Variants in TDRD10 observed in about 807,000 individuals in gnomAD.
TDRD10 encodes the protein tudor domain containing 10, also known as tudor domain-containing protein 10.
In TDRD10, 40 loss-of-function variants were observed where a neutral mutation model predicts 48.0. That is an observed-to-expected ratio of 0.83 (90% CI 0.65 to 1.09). The LOEUF (loss-of-function observed/expected upper bound fraction) is 1.09, where lower values mean the gene tolerates loss of function less well. Among genes scored for constraint, TDRD10 ranks in the 50% least tolerant of loss-of-function variants. The probability of loss-of-function intolerance (pLI) is 0.00; values close to 1 mark genes in which losing one functional copy is unlikely to be tolerated. For synonymous variants in TDRD10, 162 were observed against 170.4 expected, an observed-to-expected ratio of 0.95 and a Z score of 0.38; for missense variants, 378 against 434.7, an observed-to-expected ratio of 0.87 and a Z score of 1.16.
At chr1:154,507,508 G>A (rs921886333) in intron 3 of TDRD10, among the ~76,000 whole-genome samples, 188 bp downstream of exon 3, 3 of 150,596 alleles carry the variant, frequency 2.0e-5, no homozygotes, top group Non-Finnish European at 4.5e-5. Context: ...CCACTGCTGC[G>A]ATGCAGACCC....
At position 154,544,355 on chromosome 1, in the gene TDRD10, C is replaced by T. The variant is rs756742141; in HGVS notation, c.652-17C>T. On this transcript the variant is annotated splice_polypyrimidine_tract_variant and intron_variant, in intron 9 of 12. Transcript: ENST00000368482. Reference sequence around the variant, plus strand: ...TGCAGTGCAGGCAGTGGGGCCGTTGCGTTTTGCACCCCACAGGCTCTGCAC... The same window carrying T: ...TGCAGTGCAGGCAGTGGGGCCGTTGTGTTTTGCACCCCACAGGCTCTGCAC... The T allele has an allele frequency of 2.2e-5, 34 of 1,570,188 alleles. No individual in the cohort carries two copies. The highest frequency in any genetic ancestry group is 2.5e-5 in the Non-Finnish European group (29 of 1,157,202).
chr1:154,504,667 T>C (rs531042485), intron 1 of TDRD10, among the ~76,000 whole-genome samples: 12 of 152,364 alleles, frequency 7.9e-5, no homozygotes, highest in Admixed American at 5.2e-4. Context: ...TGGCCATTTG[T>C]ATATCTCCAG....
At chr1:154,529,421 A>C (rs1694484676) in intron 6 of TDRD10, among the ~76,000 whole-genome samples, 1 of 152,176 alleles carries the variant, frequency 6.6e-6, no homozygotes, top group African/African-American at 2.4e-5. Context: ...CGAAAACTCA[A>C]GAGGAGATGG....
intron 11 of TDRD10, among the ~76,000 whole-genome samples, chr1:154,546,758 A>G (rs1453669593): frequency 6.6e-6 from 1 of 152,222 alleles, no homozygotes; most frequent in Non-Finnish European, 1.5e-5. Flanking sequence ...CAACCCAGAG[A>G]TAAGTCAGAC....
In TDRD10 at chr1:154,535,382, A is replaced by AG. The variant is rs1263723169; in HGVS notation, c.370-6641dup. ...ACTCCATCTCAAGAAAAAAAAAAAA[A>AG]GAGAGAGAGAATATAAGGGTAAGCC... On this transcript the variant is annotated intron_variant, in intron 6 of 12. Transcript: ENST00000368482. Among the ~76,000 whole-genome samples, 5 of 143,966 alleles carry AG rather than the reference A, an allele frequency of 3.5e-5. No individual in the cohort carries two copies. In the East Asian group the frequency reaches 1.0e-3, roughly 29 times the overall value. 94.4% of individuals were successfully genotyped at this position (143,966 alleles called of 152,430 possible).
intron 6 of TDRD10, among the ~76,000 whole-genome samples, chr1:154,532,806 G>T (rs139564096): frequency 2.0e-5 from 3 of 152,162 alleles, no homozygotes; most frequent in Non-Finnish European, 4.4e-5. Flanking sequence ...GTACTGCCTC[G>T]CTGCTGCCAG....
intron 6 of TDRD10, among the ~76,000 whole-genome samples, chr1:154,538,677 C>A (rs1695055220): frequency 6.6e-6 from 1 of 151,368 alleles, no homozygotes; most frequent in East Asian, 1.9e-4. Flanking sequence ...CACGGTGAAA[C>A]CCCATCTCTA....
intron 6 of TDRD10, among the ~76,000 whole-genome samples, chr1:154,524,485 T>C (rs1694208045): frequency 6.6e-6 from 1 of 152,198 alleles, no homozygotes. Flanking sequence ...AGTAATTTTT[T>C]ATTGTATGTT....
intron 4 of TDRD10, chr1:154,509,905 C>A: frequency 1.0e-6 from 1 of 977,210 alleles, no homozygotes; most frequent in East Asian, 1.1e-4. Context: ...CCTCTCTCTT[C>A]CCCCCTCCCC....
Position 154,506,907 on chromosome 1 carries a change from T to G in TDRD10, c.2+2T>G. 1 of 1,614,220 alleles carries G rather than the reference T, an allele frequency of 6.2e-7. No individual in the cohort carries two copies. The highest frequency in any genetic ancestry group is 8.5e-7 in the Non-Finnish European group (1 of 1,180,020). On this transcript the variant is annotated splice_donor_variant, in intron 2 of 12. Coordinates refer to ENST00000368482, the MANE Select transcript of TDRD10 (RefSeq NM_182499.4). LOFTEE classifies it high-confidence loss of function. Reference sequence around the variant, plus strand: ...CCTGTTGGAAAGCAACTGCAGCATGTAAGTCCCTTCCTTTTGCTGATGAGC... The same window carrying G: ...CCTGTTGGAAAGCAACTGCAGCATGGAAGTCCCTTCCTTTTGCTGATGAGC...
intron 6 of TDRD10, among the ~76,000 whole-genome samples, chr1:154,538,638 G>A (rs1409532528): frequency 6.6e-6 from 1 of 150,948 alleles, no homozygotes; most frequent in Non-Finnish European, 1.5e-5. Context: ...CGGATCATGA[G>A]GTCAGGAGAT....
chr1:154,545,352 C>A (rs1319831756), intron 11 of TDRD10, among the ~76,000 whole-genome samples: 1 of 152,170 alleles, frequency 6.6e-6, no homozygotes, highest in Non-Finnish European at 1.5e-5. Context: ...TGCTAGACGC[C>A]AGAGCACAGC....
chr1:154,536,491 C>T (rs1340652270), intron 6 of TDRD10, among the ~76,000 whole-genome samples: 1 of 152,134 alleles, frequency 6.6e-6, no homozygotes, highest in Non-Finnish European at 1.5e-5. Context: ...CCAGATAGAA[C>T]CCATTCTTAT....
In TDRD10 at chr1:154,533,229, G is replaced by A. The variant is rs1324815878; in HGVS notation, c.370-8795G>A. ...CTGCATGCTGTCTTTGTTGGCATGC[G>A]TGGAGGTGGGATCTCCTTGTTGGTG... On this transcript the variant is annotated intron_variant, in intron 6 of 12. Transcript: ENST00000368482. Among the ~76,000 whole-genome samples, 3 of 152,170 alleles carry A rather than the reference G, an allele frequency of 2.0e-5. No homozygotes were observed. The South Asian group carries it at 6.2e-4, about 31-fold the overall frequency.
At chr1:154,519,869 T>G in intron 4 of TDRD10, among the ~76,000 whole-genome samples, 1 of 151,552 alleles carries the variant, frequency 6.6e-6, no homozygotes, top group Non-Finnish European at 1.5e-5. Flanking sequence ...TGTGGGGAAA[T>G]GTTCCGGGAA....
intron 6 of TDRD10, among the ~76,000 whole-genome samples, chr1:154,535,410 C>G (rs191130122): frequency 6.6e-6 from 1 of 151,072 alleles, no homozygotes; most frequent in Non-Finnish European, 1.5e-5. Context: ...GGTAAGCCAT[C>G]TGCAGTGGTG....
rs1182591595 is a variant in TDRD10 at position 154,502,709 on chromosome 1, C to G, written c.-348C>G. ...GGAGTGTCACGTGCGCCGCTCACCC[C>G]CGGGAAGGAAGCCCCTCGCCCACCC... On this transcript the variant is annotated 5_prime_UTR_variant, in exon 1 of 13. Coordinates refer to ENST00000368482, the MANE Select transcript of TDRD10 (RefSeq NM_182499.4). The G allele has an allele frequency of 6.6e-6, 1 of 152,314 alleles. No individual in the cohort carries two copies. The highest frequency in any genetic ancestry group is 1.9e-4 in the East Asian group (1 of 5,192). 9.4% of individuals were successfully genotyped at this position (152,314 alleles called of 1,614,324 possible).
intron 7 of TDRD10, 106 bp from the exon 8 acceptor site, chr1:154,542,625 T>G: frequency 8.6e-6 from 7 of 813,870 alleles, no homozygotes; most frequent in Non-Finnish European, 9.8e-6. Flanking sequence ...TCTTGGCCCA[T>G]TTTATGCTTC....
intron 4 of TDRD10, among the ~76,000 whole-genome samples, chr1:154,510,152 C>T (rs1252578035): frequency 1.3e-5 from 2 of 151,764 alleles, no homozygotes; most frequent in Non-Finnish European, 2.9e-5. Flanking sequence ...AGCTATAATC[C>T]CAGTACTTTG....
Sources: allele counts gnomAD v4.1 joint callset (sites outside exome capture counted in the v4.1 genomes callset), GRCh38; gene constraint gnomAD v4.1.1; transcripts MANE v1.5; gene names NCBI Gene and HGNC (gene_info 2026-07-23, HGNC 2026-07-21).